The following MAP3K19 variants were observed in gnomAD, a reference collection of about 807,000 sequenced individuals.
MAP3K19 encodes the protein mitogen-activated protein kinase kinase kinase 19.
In MAP3K19, 91 loss-of-function variants were observed where a neutral mutation model predicts 114.4. The ratio of observed to expected loss-of-function variants is 0.80; its 90% CI spans 0.67 to 0.95. The LOEUF (loss-of-function observed/expected upper bound fraction) is 0.95. MAP3K19 is among the 40% of genes least tolerant of loss of function. MAP3K19 has a pLI of 0.00. For synonymous variants in MAP3K19, 518 were observed against 530.5 expected (o/e 0.98, Z 0.32); for missense variants, 1,471 against 1,573.2 (o/e 0.94, Z 1.10).
chr2:135,010,607 T>G (rs1687151805), intron 5 of MAP3K19, among the ~76,000 whole-genome samples: 1 of 152,110 alleles, frequency 6.6e-6, no homozygotes, highest in South Asian at 2.1e-4. Flanking sequence ...ACGATGGAAA[T>G]CAGACGTGAT....
At chr2:135,024,789 GA>G (rs1314125019) in intron 3 of MAP3K19, 48 bp from the exon 4 acceptor site, 5 of 659,022 alleles carry the variant, frequency 7.6e-6, no homozygotes, top group Non-Finnish European at 1.0e-5. Context: ...TGAATCTGTT[GA>G]AAAAAGAAAA....
In MAP3K19 at chr2:134,988,201, A is replaced by T; in HGVS notation, c.671T>A (p.Ile224Asn). 6.2e-7 allele frequency: 1 copy of T among 1,609,730 alleles called. No homozygotes were observed. The highest frequency in any genetic ancestry group is 1.7e-5 in the Admixed American group (1 of 59,520). ...LLPTRSGVLT[I>N]PQNHKFPKEK... Reference sequence around the variant, plus strand: ...TTTTGGAAACTTGTGATTTTGGGGGATAGTAAGGACACCAGATCGCGTGGG... The same window carrying T: ...TTTTGGAAACTTGTGATTTTGGGGGTTAGTAAGGACACCAGATCGCGTGGG... Residue 224 changes from isoleucine (I) to asparagine (N), a missense_variant, in exon 10 of 13, where the codon ATC becomes AAC. Ile to Asn is a moderately radical substitution (Grantham distance 149, BLOSUM62 -3). Transcript: ENST00000392915.
chr2:135,042,092 G>C (rs1488827151), intron 1 of MAP3K19, among the ~76,000 whole-genome samples: 2 of 152,050 alleles, frequency 1.3e-5, no homozygotes, highest in African/African-American at 2.4e-5. Context: ...CACAAAATAG[G>C]TTAGATAAAA....
At chr2:134,978,912 C>A (rs1684428309) in intron 12 of MAP3K19, among the ~76,000 whole-genome samples, 1 of 152,184 alleles carries the variant, frequency 6.6e-6, no homozygotes, top group Non-Finnish European at 1.5e-5. Flanking sequence ...CTGCTCCTCA[C>A]TGCCTATTGC....
intron 5 of MAP3K19, among the ~76,000 whole-genome samples, chr2:135,013,522 C>G (rs1687382015): frequency 6.6e-6 from 1 of 152,144 alleles, no homozygotes; most frequent in Admixed American, 6.6e-5. Flanking sequence ...CTGTATCCAC[C>G]ATTATAGAAT....
chr2:135,011,673 GT>G (rs1198125500), intron 5 of MAP3K19, among the ~76,000 whole-genome samples: 2 of 151,876 alleles, frequency 1.3e-5, no homozygotes, highest in African/African-American at 4.8e-5. Context: ...GATGTTGTTT[GT>G]TTGTTTGTTT....
At chr2:135,036,999 CT>C (rs10617799) in intron 2 of MAP3K19, among the ~76,000 whole-genome samples, 589 of 144,280 alleles carry the variant, frequency 4.1e-3, no homozygotes, top group Middle Eastern at 7.2e-3. Context: ...GTAAAACATT[CT>C]TTTTTTTTTT....
At chr2:135,038,023 C>G (rs2104795632) in intron 2 of MAP3K19, among the ~76,000 whole-genome samples, 1 of 152,140 alleles carries the variant, frequency 6.6e-6, no homozygotes, top group East Asian at 1.9e-4. Context: ...CTTCATAGTT[C>G]TTGAGAGATG....
intron 6 of MAP3K19, among the ~76,000 whole-genome samples, chr2:135,001,849 T>C (rs1686466851): frequency 6.6e-6 from 1 of 152,238 alleles, no homozygotes; most frequent in Non-Finnish European, 1.5e-5. Flanking sequence ...GACTTCTTTT[T>C]CAAACCAAGA....
intron 5 of MAP3K19, among the ~76,000 whole-genome samples, chr2:135,016,775 C>T (rs1687609182): frequency 1.3e-5 from 2 of 152,284 alleles, no homozygotes; most frequent in Non-Finnish European, 2.9e-5. Context: ...ATTTTTAAGA[C>T]ATCTGGTGCC....
Position 134,989,186 on chromosome 2 carries a change from C to A in MAP3K19, c.619-933G>T, listed in dbSNP as rs188136090. On this transcript the variant is annotated intron_variant, in intron 9 of 12. Transcript: ENST00000392915. ...AACTAAGCTAGTTTTTATTATCATC[C>A]TGTAGAGGTCAGTGTAACCCAATGT... 2.7e-3 allele frequency among the ~76,000 whole-genome samples: 409 copies of A among 152,194 alleles called. 6 individuals carry two copies. Among genetic ancestry groups the A allele is most frequent in the Admixed American group, 0.026 (392 of 15,282 alleles).
Position 134,986,197 on chromosome 2 carries a change from T to C in MAP3K19, c.2675A>G (p.Glu892Gly). ...AGAGTGATCTGAAACACTATCAAACTCTAGATCATTAGTTAAAATTCGGCT... is the reference window on the plus strand; with the variant it reads ...AGAGTGATCTGAAACACTATCAAACCCTAGATCATTAGTTAAAATTCGGCT... ...NASRILTNDL[E>G]FDSVSDHSKT... is the part of the protein sequence containing the mutation. Residue 892 changes from glutamate (E) to glycine (G), a missense_variant, in exon 10 of 13, where the codon GAG becomes GGG. Glu to Gly is a moderately conservative substitution (Grantham distance 98, BLOSUM62 -2). Transcript: ENST00000392915. The C allele has an allele frequency of 6.2e-7, 1 of 1,613,742 alleles. No individual in the cohort carries two copies. Among genetic ancestry groups the C allele is most frequent in the Non-Finnish European group, 8.5e-7 (1 of 1,179,916 alleles).
chr2:135,032,590 T>TTTTAA (rs1002617463), intron 2 of MAP3K19, among the ~76,000 whole-genome samples: 2 of 151,488 alleles, frequency 1.3e-5, no homozygotes, highest in African/African-American at 2.4e-5. Flanking sequence ...TTTGTTTTTT[T>TTTTAA]TTTAATTTAA....
At chr2:134,984,011 G>A (rs577855605) in intron 10 of MAP3K19, among the ~76,000 whole-genome samples, 186 bp from the exon 11 acceptor site, 15 of 152,302 alleles carry the variant, frequency 9.8e-5, no homozygotes, top group African/African-American at 3.1e-4. Flanking sequence ...CTTCAGCCTT[G>A]TTAATTATAC....
rs1373457275 is a variant in MAP3K19 at position 135,042,513 on chromosome 2, AAAAAAAG to A, written c.-423-2018_-423-2012del. Among the ~76,000 whole-genome samples the A allele has an allele frequency of 5.4e-3, 808 of 150,936 alleles. 6 individuals carry two copies. Among genetic ancestry groups the A allele is most frequent in the Middle Eastern group, 0.017 (5 of 290 alleles). ...CGAGACTCTGTCTCAAAAAAAAAAAAAAAAAAGAAAAAAGAAAATTAAAAAGAAAAAA... is the reference window on the plus strand; with the variant it reads ...CGAGACTCTGTCTCAAAAAAAAAAAAAAAAAAGAAAATTAAAAAGAAAAAA... On this transcript the variant is annotated intron_variant, in intron 1 of 12. Coordinates refer to ENST00000392915, the MANE Select transcript of MAP3K19 (RefSeq NM_025052.5).
chr2:134,964,910 C>T lies in MAP3K19; in HGVS notation c.3927G>A (p.Gln1309=). ...GCTGGAGAGCAGAAGGTCGCTCATG[C>T]TGGTCCCTAAGAAGGGAAAAACACA... ...DFVRMCLTRD[Q]HERPSALQLL... Residue 1309 remains glutamine (Q), a synonymous_variant, in exon 13 of 13, where the codon CAG becomes CAA. Transcript: ENST00000392915. 1 of 1,611,902 alleles carries T rather than the reference C, an allele frequency of 6.2e-7. No individual in the cohort carries two copies. The highest frequency in any genetic ancestry group is 8.5e-7 in the Non-Finnish European group (1 of 1,178,734).
chr2:135,029,910 C>G (rs1360173409), intron 3 of MAP3K19, among the ~76,000 whole-genome samples: 1 of 152,204 alleles, frequency 6.6e-6, no homozygotes, highest in East Asian at 1.9e-4. Context: ...GGCATAGGCT[C>G]TCAGATTCCT....
chr2:135,025,386 T>C (rs1298871853), intron 3 of MAP3K19, among the ~76,000 whole-genome samples: 4 of 136,524 alleles, frequency 2.9e-5, no homozygotes, highest in African/African-American at 5.6e-5. Context: ...TCTTTTTTTT[T>C]TTTTTTTTTT....
intron 9 of MAP3K19, among the ~76,000 whole-genome samples, chr2:134,988,659 G>GAATTA (rs778067945): frequency 6.6e-6 from 1 of 152,000 alleles, no homozygotes; most frequent in Non-Finnish European, 1.5e-5. Context: ...CAAAATGCTG[G>GAATTA]AATTACAGGC....
Sources: allele counts gnomAD v4.1 joint callset (sites outside exome capture counted in the v4.1 genomes callset), GRCh38; gene constraint gnomAD v4.1.1; transcripts MANE v1.5; gene names NCBI Gene and HGNC (gene_info 2026-07-23, HGNC 2026-07-21).